Variants in NPHP4 observed in about 807,000 individuals in gnomAD.
The protein encoded by NPHP4 is nephrocystin 4.
A neutral mutation model predicts 155.8 loss-of-function variants in NPHP4; 151 were observed. The ratio of observed to expected loss-of-function variants is 0.97; its 90% CI spans 0.85 to 1.11. The LOEUF (loss-of-function observed/expected upper bound fraction) is 1.11, where lower values mean the gene tolerates loss of function less well. NPHP4 is among the 50% of genes least tolerant of loss of function. NPHP4 has a pLI of 0.00. For synonymous variants in NPHP4, 845 were observed against 816.8 expected, an observed-to-expected ratio of 1.03 and a Z score of -0.59; for missense variants, 1,956 against 1,925.7, an observed-to-expected ratio of 1.02 and a Z score of -0.29.
intron 5 of NPHP4, among the ~76,000 whole-genome samples, chr1:5,963,256 G>T (rs868625542): frequency 6.6e-6 from 1 of 152,108 alleles, no homozygotes; most frequent in Non-Finnish European, 1.5e-5. Flanking sequence ...TTACCCAGGC[G>T]TGGTGGTGCA....
intron 9 of NPHP4, among the ~76,000 whole-genome samples, chr1:5,935,545 C>G (rs1387356273): frequency 1.3e-5 from 2 of 152,184 alleles, no homozygotes; most frequent in African/African-American, 4.8e-5. Flanking sequence ...TATAGCATAC[C>G]AACGACATGG....
chr1:5,927,680 C>G lies in NPHP4; in HGVS notation c.1410G>C (p.Arg470=). The G allele has an allele frequency of 1.2e-6, 2 of 1,612,498 alleles. No individual in the cohort carries two copies. The highest frequency in any genetic ancestry group is 1.7e-6 in the Non-Finnish European group (2 of 1,178,672). ...EPVSGPKVER[R]PSRKPPTSPS... ...GGGACGTGGGTGGTTTCCTGGAAGG[C>G]CGCCGCTCCACTTTGGGGCCACTGA... is the stretch of plus-strand genomic sequence containing the variant. The change falls in exon 11 of 30, where the codon CGG becomes CGC. Residue 470 remains arginine, a synonymous_variant. Coordinates refer to ENST00000378156, the MANE Select transcript of NPHP4 (RefSeq NM_015102.5).
intron 4 of NPHP4, 63 bp from the exon 5 acceptor site, chr1:5,967,426 A>G (rs991829782): frequency 1.8e-5 from 24 of 1,311,034 alleles, no homozygotes; most frequent in African/African-American, 8.7e-5. Flanking sequence ...AGGAAAGCAC[A>G]TGGAGGCCTC....
chr1:5,904,618 A>G lies in NPHP4; in HGVS notation c.2142T>C (p.Ala714=). 2.5e-6 allele frequency: 4 copies of G among 1,604,522 alleles called. No individual in the cohort carries two copies. Among genetic ancestry groups the G allele is most frequent in the Non-Finnish European group, 2.6e-6 (3 of 1,173,348 alleles). The change falls in exon 16 of 30, where the codon GCT becomes GCC. Residue 714 remains alanine (A), a splice_region_variant and synonymous_variant. Transcript: ENST00000378156. ...VPVSRDGTFD[A]GSPGFQLRYM... ...TTTGCCATGCACATGAGTACTCACC[A>G]GCATCAAAGGTGCCATCTCTGCTCA... is the stretch of plus-strand genomic sequence containing the variant.
At chr1:5,897,663 C>T (rs1299554210) in intron 16 of NPHP4, among the ~76,000 whole-genome samples, 1 of 152,136 alleles carries the variant, frequency 6.6e-6, no homozygotes, top group Non-Finnish European at 1.5e-5. Context: ...GAAAAGAATG[C>T]AGGCGACTAC....
chr1:5,968,381 C>G (rs1413177525), intron 4 of NPHP4, among the ~76,000 whole-genome samples: 1 of 152,140 alleles, frequency 6.6e-6, no homozygotes, highest in African/African-American at 2.4e-5. Context: ...GCGAGCAGAT[C>G]TCTTGAGCCC....
At chr1:5,888,172 C>T (rs917262483) in intron 17 of NPHP4, among the ~76,000 whole-genome samples, 1 of 152,206 alleles carries the variant, frequency 6.6e-6, no homozygotes, top group Non-Finnish European at 1.5e-5. Context: ...AAGCCTCAGA[C>T]CCAGCAGGGC....
chr1:5,892,039 GC>G lies in NPHP4; in HGVS notation c.2144-1012del, dbSNP rs1210101975. On this transcript the variant is annotated intron_variant, in intron 16 of 29. Transcript: ENST00000378156. The surrounding 1 kb of genome is among the most constrained non-coding windows in gnomAD (Gnocchi z 4.5). The stretch of plus-strand genomic sequence containing the variant: ...CTGGCCACAGCAGGAGCTCACGGGG[GC>G]ATCTTGGGGCAGAAAGGCAAATAAG... 6.6e-6 allele frequency among the ~76,000 whole-genome samples: 1 copy of G among 152,226 alleles called. No homozygotes were observed. The highest frequency in any genetic ancestry group is 1.9e-4 in the East Asian group (1 of 5,200).
Position 5,873,319 on chromosome 1 carries a change from C to T in NPHP4, c.3248G>A (p.Ser1083Asn), listed in dbSNP as rs747403184. The T allele has an allele frequency of 6.2e-7, 1 of 1,613,932 alleles. No individual in the cohort carries two copies. Among genetic ancestry groups the T allele is most frequent in the South Asian group, 1.1e-5 (1 of 91,080 alleles). The part of the protein sequence containing the change: ...LAMVQASPGL[S>N]NEKGMDAVSP... Reference sequence around the variant, plus strand: ...CACGGCGTCCATGCCCTTCTCGTTGCTCAACCCAGGAGAGGCCTGCAGGAA... The same window carrying T: ...CACGGCGTCCATGCCCTTCTCGTTGTTCAACCCAGGAGAGGCCTGCAGGAA... Residue 1083 changes from serine to asparagine, a missense_variant, in exon 23 of 30, where the codon AGC becomes AAC. Ser to Asn is a conservative substitution (Grantham distance 46, BLOSUM62 1). Transcript: ENST00000378156.
intron 2 of NPHP4, among the ~76,000 whole-genome samples, chr1:5,982,565 T>C (rs1570754491): frequency 1.3e-5 from 2 of 152,266 alleles, no homozygotes; most frequent in African/African-American, 4.8e-5. Flanking sequence ...TCTAGTTACT[T>C]TGTATCTAAT....
At chr1:5,970,731 T>C (rs1199678838) in intron 3 of NPHP4, among the ~76,000 whole-genome samples, 2 of 152,144 alleles carry the variant, frequency 1.3e-5, no homozygotes, top group Non-Finnish European at 2.9e-5. Context: ...TTCCGCTCTA[T>C]GACTTAAACT....
chr1:5,914,758 A>G (rs1205381065), intron 11 of NPHP4, among the ~76,000 whole-genome samples: 2 of 152,222 alleles, frequency 1.3e-5, no homozygotes, highest in African/African-American at 4.8e-5. Context: ...GTCTTCATTG[A>G]GATGTCTTCC....
chr1:5,902,286 G>A (rs1250414817), intron 16 of NPHP4, among the ~76,000 whole-genome samples: 7 of 152,196 alleles, frequency 4.6e-5, no homozygotes, highest in Non-Finnish European at 8.8e-5. Flanking sequence ...AGAGAGGCGA[G>A]GGCTCACCCC....
rs1197198258 is a variant in NPHP4 at position 5,910,763 on chromosome 1, G to C, written c.1442-1550C>G. Among the ~76,000 whole-genome samples the C allele has an allele frequency of 2.0e-5, 3 of 152,208 alleles. No individual in the cohort carries two copies. The highest frequency in any genetic ancestry group is 2.9e-5 in the Non-Finnish European group (2 of 68,040). ...TAACACCAGAGCTGCACGACCATCG[G>C]AGCCAATCCCCGCCGTGCCTCTCCC... On this transcript the variant is annotated intron_variant, in intron 11 of 29. Coordinates refer to ENST00000378156, the MANE Select transcript of NPHP4 (RefSeq NM_015102.5). The surrounding 1 kb of genome is among the most constrained non-coding windows in gnomAD (Gnocchi z 5.4).
chr1:5,920,069 C>T (rs954913135), intron 11 of NPHP4, among the ~76,000 whole-genome samples: 3 of 152,146 alleles, frequency 2.0e-5, no homozygotes, highest in Non-Finnish European at 4.4e-5. Context: ...GTAGCTGGGA[C>T]TACAGGCGCG....
chr1:5,931,602 T>G (rs1646276599), intron 10 of NPHP4, among the ~76,000 whole-genome samples: 1 of 151,282 alleles, frequency 6.6e-6, no homozygotes, highest in Non-Finnish European at 1.5e-5. Flanking sequence ...GGCATGGTGG[T>G]GGGCACCTAT....
At chr1:5,870,871 C>T (rs1173723676) in intron 23 of NPHP4, among the ~76,000 whole-genome samples, 2 of 152,212 alleles carry the variant, frequency 1.3e-5, no homozygotes, top group Non-Finnish European at 2.9e-5. Context: ...GCTGCAGCCA[C>T]GCCAGAAGGA....
chr1:5,878,251 T>G (rs1475842138), intron 19 of NPHP4, among the ~76,000 whole-genome samples: 1 of 152,196 alleles, frequency 6.6e-6, no homozygotes, highest in East Asian at 1.9e-4. Flanking sequence ...GACAGCAACG[T>G]GACCCCCGCC....
At position 5,935,087 on chromosome 1, in the gene NPHP4, G is replaced by A. The variant is rs189201721; in HGVS notation, c.1120-1758C>T. Among the ~76,000 whole-genome samples the A allele has an allele frequency of 2.6e-5, 4 of 152,300 alleles. No homozygotes were observed. The East Asian group carries it at 7.7e-4, about 29-fold the overall frequency. On this transcript the variant is annotated intron_variant, in intron 9 of 29. Coordinates refer to ENST00000378156, the MANE Select transcript of NPHP4 (RefSeq NM_015102.5). ...AAACCACAGCCAACTTCATATACAAGCAGATGTGAATACAGAAAAGAAAAC... is the reference window on the plus strand; with the variant it reads ...AAACCACAGCCAACTTCATATACAAACAGATGTGAATACAGAAAAGAAAAC...
Sources: allele counts gnomAD v4.1 joint callset (sites outside exome capture counted in the v4.1 genomes callset), GRCh38; gene constraint gnomAD v4.1.1; non-coding constraint Gnocchi (gnomAD v3.1); transcripts MANE v1.5; gene names NCBI Gene and HGNC (gene_info 2026-07-23, HGNC 2026-07-21).